The following SHB variants were observed in gnomAD, a reference collection of about 807,000 sequenced individuals.
SHB encodes the protein SH2 domain containing adaptor protein B, also known as SH2 domain-containing adapter protein B.
In SHB, 20 loss-of-function variants were observed where a neutral mutation model predicts 52.3. The ratio of observed to expected loss-of-function variants is 0.38; its 90% CI spans 0.27 to 0.56. The LOEUF is 0.56. Among genes scored for constraint, SHB ranks in the 20% least tolerant of loss-of-function variants. SHB has a pLI of 0.71. For synonymous variants in SHB, 397 were observed against 316.5 expected, an observed-to-expected ratio of 1.25 and a Z score of -2.70; for missense variants, 825 against 723.3, an observed-to-expected ratio of 1.14 and a Z score of -1.61.
intron 1 of SHB, among the ~76,000 whole-genome samples, chr9:38,029,832 G>C (rs1417944130): frequency 1.3e-5 from 2 of 152,184 alleles, no homozygotes. Context: ...CAAATGCTTA[G>C]ACCAATATGC....
intron 1 of SHB, among the ~76,000 whole-genome samples, chr9:38,041,202 A>G (rs751541493): frequency 4.6e-5 from 7 of 152,220 alleles, no homozygotes; most frequent in Non-Finnish European, 1.5e-5. Flanking sequence ...ATACCCAGAA[A>G]GCCCTTTTCC....
intron 2 of SHB, among the ~76,000 whole-genome samples, chr9:37,985,861 C>T (rs1266835904): frequency 1.6e-5 from 2 of 125,000 alleles, no homozygotes; most frequent in African/African-American, 6.3e-5. Flanking sequence ...CAGTGAGCGC[C>T]TGCCTGCGCC....
chr9:37,982,285 G>C (rs1820737284), intron 2 of SHB, among the ~76,000 whole-genome samples: 1 of 151,688 alleles, frequency 6.6e-6, no homozygotes, highest in South Asian at 2.1e-4. Context: ...CTGAGGACAG[G>C]AGTTCGAGAC....
At chr9:38,016,687 G>A (rs995592127) in intron 1 of SHB, among the ~76,000 whole-genome samples, 6 of 152,192 alleles carry the variant, frequency 3.9e-5, no homozygotes, top group African/African-American at 1.4e-4. Context: ...AGATCACTGT[G>A]GCCCCAGACA....
chr9:37,950,829 G>T (rs569878754), intron 4 of SHB, among the ~76,000 whole-genome samples: 1 of 152,254 alleles, frequency 6.6e-6, no homozygotes, highest in Non-Finnish European at 1.5e-5. Flanking sequence ...TTAGCAGAAA[G>T]AGATTGCCCT....
At chr9:38,008,887 G>C (rs1821103796) in intron 2 of SHB, among the ~76,000 whole-genome samples, 1 of 152,184 alleles carries the variant, frequency 6.6e-6, no homozygotes, top group Non-Finnish European at 1.5e-5. Flanking sequence ...AGCTGTGCAG[G>C]GAGGCAAGTG....
In SHB at chr9:37,936,175, C is replaced by T. The variant is rs574043205; in HGVS notation, c.1346+12460G>A. On this transcript the variant is annotated intron_variant, in intron 5 of 5. Transcript: ENST00000377707. ...AGGTTGCAGTGAGCCGAGATAGCGC[C>T]ATTGCACTCCAGCCTGGGCGACAGA... Among the ~76,000 whole-genome samples the T allele has an allele frequency of 2.6e-5, 4 of 152,256 alleles. No individual in the cohort carries two copies. In the South Asian group the frequency reaches 8.3e-4, roughly 32 times the overall value.
At chr9:38,015,796 T>C (rs997661974) in intron 2 of SHB, among the ~76,000 whole-genome samples, 9 of 152,234 alleles carry the variant, frequency 5.9e-5, no homozygotes, top group African/African-American at 1.9e-4. Context: ...GTATTTGGAC[T>C]CTCATGGTGC....
chr9:37,929,706 C>A (rs1453888307), intron 5 of SHB, among the ~76,000 whole-genome samples: 1 of 152,250 alleles, frequency 6.6e-6, no homozygotes, highest in Non-Finnish European at 1.5e-5. Context: ...GGCCGGATGA[C>A]ACGGGGCAAG....
At chr9:37,944,304 A>C (rs1264599071) in intron 5 of SHB, among the ~76,000 whole-genome samples, 1 of 152,142 alleles carries the variant, frequency 6.6e-6, no homozygotes, top group Non-Finnish European at 1.5e-5. Flanking sequence ...GGGCTGATCC[A>C]GGGACCTGTC....
Position 38,010,994 on chromosome 9 carries a change from T to C in SHB, c.838+5017A>G, listed in dbSNP as rs368954241. Among the ~76,000 whole-genome samples, 5 of 152,340 alleles carry C rather than the reference T, an allele frequency of 3.3e-5. No homozygotes were observed. The East Asian group carries it at 5.8e-4, about 18-fold the overall frequency. On this transcript the variant is annotated intron_variant, in intron 2 of 5. Coordinates refer to ENST00000377707, the MANE Select transcript of SHB (RefSeq NM_003028.3). ...ACAATCTTATGCACATGTGCAAAGT[T>C]TGTTTTCCACATGGGCATCAGGATC... is the stretch of plus-strand genomic sequence containing the variant.
chr9:37,989,489 A>G (rs1247454815), intron 2 of SHB, among the ~76,000 whole-genome samples: 1 of 152,148 alleles, frequency 6.6e-6, no homozygotes, highest in African/African-American at 2.4e-5. Flanking sequence ...AAAATTTAAC[A>G]AAAAGGACTA....
At chr9:37,949,785 C>A (rs796950200) in intron 4 of SHB, among the ~76,000 whole-genome samples, 1 of 152,206 alleles carries the variant, frequency 6.6e-6, no homozygotes, top group Admixed American at 6.5e-5. Context: ...ACGGCTCTAG[C>A]ACCACTTGGG....
At chr9:37,969,834 C>T (rs1281938601) in intron 3 of SHB, among the ~76,000 whole-genome samples, 3 of 152,366 alleles carry the variant, frequency 2.0e-5, no homozygotes, top group Admixed American at 6.5e-5. Flanking sequence ...TGTCCCCTTC[C>T]CAACATTGGG....
chr9:37,924,382 T>C (rs1832220783), intron 5 of SHB, among the ~76,000 whole-genome samples: 1 of 152,216 alleles, frequency 6.6e-6, no homozygotes, highest in African/African-American at 2.4e-5. Flanking sequence ...ACCTAATTGC[T>C]TGATGCATAT....
intron 2 of SHB, among the ~76,000 whole-genome samples, chr9:38,006,437 T>C (rs1821076995): frequency 6.6e-6 from 1 of 152,208 alleles, no homozygotes. Flanking sequence ...GCAGGAGCTT[T>C]GCTGCAGATT....
chr9:38,065,812 C>T (rs1821953736), intron 1 of SHB, among the ~76,000 whole-genome samples: 1 of 152,160 alleles, frequency 6.6e-6, no homozygotes, highest in African/African-American at 2.4e-5. Context: ...CAGGCCCTGC[C>T]CAACTCTTAA....
At chr9:37,931,255 C>T (rs1056884295) in intron 5 of SHB, among the ~76,000 whole-genome samples, 5 of 152,274 alleles carry the variant, frequency 3.3e-5, no homozygotes, top group African/African-American at 9.6e-5. Context: ...AATGGGACTA[C>T]ATCCAAGCTC....
At chr9:38,028,799 A>C (rs951981033) in intron 1 of SHB, among the ~76,000 whole-genome samples, 1 of 152,252 alleles carries the variant, frequency 6.6e-6, no homozygotes, top group Non-Finnish European at 1.5e-5. Flanking sequence ...AAAATATAAC[A>C]TCAAAGAAAT....
Sources: allele counts gnomAD v4.1 joint callset (sites outside exome capture counted in the v4.1 genomes callset), GRCh38; gene constraint gnomAD v4.1.1; transcripts MANE v1.5; gene names NCBI Gene and HGNC (gene_info 2026-07-23, HGNC 2026-07-21).